Variants in DLG2 observed in about 807,000 individuals in gnomAD.
The protein encoded by DLG2 is discs large MAGUK scaffold protein 2.
Under a neutral mutation model 132.5 loss-of-function variants are expected in DLG2, and 45 were observed. The ratio of observed to expected loss-of-function variants is 0.34; its 90% CI spans 0.27 to 0.44. DLG2 has a LOEUF of 0.44. DLG2 is among the 20% of genes least tolerant of loss of function. The probability of loss-of-function intolerance (pLI) is 1.00; values close to 1 mark genes in which losing one functional copy is unlikely to be tolerated. For missense variants in DLG2, 1,045 were observed against 1,196.9 expected (o/e 0.87, Z 1.87); for synonymous variants, 424 against 419.6 (o/e 1.01, Z -0.13).
chr11:84,971,504 A>AAGAT (rs1266866606), intron 6 of DLG2, among the ~76,000 whole-genome samples: 1 of 152,234 alleles, frequency 6.6e-6, no homozygotes, highest in African/African-American at 2.4e-5. Flanking sequence ...AAGCTTATGG[A>AAGAT]AGATAGGAGA....
At chr11:84,922,187 A>AG (rs2092786649) in intron 6 of DLG2, among the ~76,000 whole-genome samples, 1 of 152,190 alleles carries the variant, frequency 6.6e-6, no homozygotes, top group Non-Finnish European at 1.5e-5. Context: ...AAAAAAAAAA[A>AG]AAAAGATTCC....
intron 4 of DLG2, among the ~76,000 whole-genome samples, chr11:85,205,701 A>G (rs1237411767): frequency 6.6e-6 from 1 of 152,188 alleles, no homozygotes; most frequent in Non-Finnish European, 1.5e-5. Flanking sequence ...TCTAAAACAT[A>G]AAAGTTCCCT....
In DLG2 at chr11:84,383,903, G is replaced by A. The variant is rs117903496; in HGVS notation, c.520-132612C>T. Among the ~76,000 whole-genome samples, 125 of 151,938 alleles carry A rather than the reference G, an allele frequency of 8.2e-4. 2 individuals carry two copies. In the East Asian group the frequency reaches 0.013, roughly 15 times the overall value. ...GGGACTGTTCGTGGAAATGTGTTAC[G>A]CAGCATAGAAAATGAATGCATTAAC... On this transcript the variant is annotated intron_variant, in intron 7 of 27. Transcript: ENST00000376104.
chr11:84,495,107 C>T (rs188771075), intron 7 of DLG2, among the ~76,000 whole-genome samples: 1 of 152,116 alleles, frequency 6.6e-6, no homozygotes, highest in Admixed American at 6.6e-5. Flanking sequence ...AAATTTCTAA[C>T]ATTTTTCATT....
At chr11:83,987,591 T>C (rs567866925) in intron 11 of DLG2, among the ~76,000 whole-genome samples, 19 of 152,218 alleles carry the variant, frequency 1.2e-4, no homozygotes, top group African/African-American at 4.1e-4. Context: ...AAACAAGCAA[T>C]GGGGAAATGA....
chr11:83,928,146 A>G (rs998343022), intron 15 of DLG2, among the ~76,000 whole-genome samples: 4 of 152,080 alleles, frequency 2.6e-5, no homozygotes, highest in Non-Finnish European at 5.9e-5. Context: ...AGAAAAAAAG[A>G]AGGAGAAAGA....
At position 83,544,569 on chromosome 11, in the gene DLG2, T is replaced by G. The variant is rs370725980; in HGVS notation, c.1941-2711A>C. 4.7e-4 allele frequency among the ~76,000 whole-genome samples: 71 copies of G among 152,202 alleles called. 1 individual carries two copies. In the South Asian group the frequency reaches 0.015, roughly 32 times the overall value. ...GTCTCCAGATCCAAGTCTAGTTCAGTGCTCTTCACCTTGCCCCCTCATTCA... is the reference window on the plus strand; with the variant it reads ...GTCTCCAGATCCAAGTCTAGTTCAGGGCTCTTCACCTTGCCCCCTCATTCA... On this transcript the variant is annotated intron_variant, in intron 19 of 27. Coordinates refer to ENST00000376104, the MANE Select transcript of DLG2 (RefSeq NM_001142699.3).
At chr11:83,720,292 C>A (rs1368810428) in intron 18 of DLG2, among the ~76,000 whole-genome samples, 2 of 8,980 alleles carry the variant, frequency 2.2e-4, no homozygotes, top group East Asian at 0.011. Flanking sequence ...GACTCCATCT[C>A]AGAAAAAAAA....
chr11:83,706,718 G>A (rs10898150), intron 18 of DLG2, among the ~76,000 whole-genome samples: 1 of 152,004 alleles, frequency 6.6e-6, no homozygotes, highest in Admixed American at 6.5e-5. Context: ...TGCCACATGC[G>A]ATGCCAACTC....
At chr11:83,774,443 A>G (rs1427296525) in intron 18 of DLG2, among the ~76,000 whole-genome samples, 1 of 152,234 alleles carries the variant, frequency 6.6e-6, no homozygotes. Flanking sequence ...ATAGGTATGA[A>G]TCATCATTTT....
At chr11:84,355,522 C>T (rs973595920) in intron 7 of DLG2, among the ~76,000 whole-genome samples, 3 of 152,056 alleles carry the variant, frequency 2.0e-5, no homozygotes, top group Non-Finnish European at 1.5e-5. Flanking sequence ...GACGCCAAAT[C>T]AGCTGGTAGC....
chr11:84,722,100 G>C (rs979542755), intron 6 of DLG2, among the ~76,000 whole-genome samples: 2 of 152,172 alleles, frequency 1.3e-5, no homozygotes, highest in African/African-American at 4.8e-5. Context: ...TTAGAAAACA[G>C]CATCATGAGA....
chr11:83,904,047 G>A (rs1489302895), intron 15 of DLG2, among the ~76,000 whole-genome samples: 1 of 152,028 alleles, frequency 6.6e-6, no homozygotes, highest in Admixed American at 6.6e-5. Context: ...GTGCTTTGGG[G>A]GCATTATTAA....
chr11:85,558,194 T>C (rs1316189279), intron 3 of DLG2, among the ~76,000 whole-genome samples: 1 of 151,790 alleles, frequency 6.6e-6, no homozygotes, highest in Non-Finnish European at 1.5e-5. Flanking sequence ...CCAACAAACA[T>C]ATGAAAAATG....
chr11:84,907,828 T>C (rs1415763314), intron 6 of DLG2, among the ~76,000 whole-genome samples: 1 of 152,256 alleles, frequency 6.6e-6, no homozygotes, highest in South Asian at 2.1e-4. Context: ...TACATTTTAA[T>C]GGAAAAAGTG....
At chr11:83,945,907 T>C (rs1591588011) in intron 14 of DLG2, among the ~76,000 whole-genome samples, 1 of 151,196 alleles carries the variant, frequency 6.6e-6, no homozygotes, top group Non-Finnish European at 1.5e-5. Context: ...ATTTTCCTTC[T>C]CTTTCCTTCT....
intron 6 of DLG2, chr11:84,936,630 G>A (rs1018989147): frequency 6.6e-5 from 10 of 151,922 alleles, no homozygotes; most frequent in African/African-American, 2.2e-4. Flanking sequence ...TCAAAATACT[G>A]GCAGTAGTTA....
At chr11:84,906,808 A>G (rs1055919161) in intron 6 of DLG2, among the ~76,000 whole-genome samples, 2 of 152,198 alleles carry the variant, frequency 1.3e-5, no homozygotes, top group African/African-American at 4.8e-5. Context: ...ATAGCTGCAT[A>G]GAAAGAGAGA....
At chr11:85,530,854 C>G (rs1233699417) in intron 3 of DLG2, among the ~76,000 whole-genome samples, 3 of 152,128 alleles carry the variant, frequency 2.0e-5, no homozygotes, top group Non-Finnish European at 4.4e-5. Context: ...AATGCTTTGT[C>G]CCTCTGTATA....
Sources: allele counts gnomAD v4.1 joint callset (sites outside exome capture counted in the v4.1 genomes callset), GRCh38; gene constraint gnomAD v4.1.1; transcripts MANE v1.5; gene names NCBI Gene and HGNC (gene_info 2026-07-23, HGNC 2026-07-21).